Variants in PGAP4 observed in about 807,000 individuals in gnomAD.
The protein encoded by PGAP4 is post-GPI attachment to proteins GalNAc transferase 4, also known as GPI-N-acetylgalactosamine transferase PGAP4.
In PGAP4, 12 loss-of-function variants were observed where a neutral mutation model predicts 28.2. The observed-to-expected ratio is 0.42, with a 90% CI of 0.27 to 0.69. The LOEUF (loss-of-function observed/expected upper bound fraction) is 0.69. Among genes scored for constraint, PGAP4 ranks in the 30% least tolerant of loss-of-function variants. The pLI is 0.22. For missense variants in PGAP4, 425 were observed against 513.5 expected (o/e 0.83, Z 1.67); for synonymous variants, 205 against 211.8 (o/e 0.97, Z 0.28).
chr9:101,480,365 T>TGTTG (rs1487165637), intron 1 of PGAP4, among the ~76,000 whole-genome samples: 6 of 151,718 alleles, frequency 4.0e-5, no homozygotes, highest in Non-Finnish European at 4.4e-5. Context: ...TTGTTGTTGT[T>TGTTG]GTTTGTTTGT....
intron 2 of PGAP4, among the ~76,000 whole-genome samples, chr9:101,506,971 T>C (rs1361327582): frequency 6.6e-6 from 1 of 152,130 alleles, no homozygotes; most frequent in Non-Finnish European, 1.5e-5. Flanking sequence ...AACCCTACTC[T>C]TTTGTCACAG....
intron 2 of PGAP4, among the ~76,000 whole-genome samples, chr9:101,513,884 C>T (rs1209664000): frequency 1.3e-5 from 2 of 152,146 alleles, no homozygotes; most frequent in African/African-American, 2.4e-5. Flanking sequence ...AAGCCCTGAG[C>T]ACCTGGGAGG....
At chr9:101,532,101 C>T (rs1827098282) in intron 1 of PGAP4, among the ~76,000 whole-genome samples, 1 of 152,116 alleles carries the variant, frequency 6.6e-6, no homozygotes, top group South Asian at 2.1e-4. Flanking sequence ...GAAACCCCAT[C>T]TCTACTAAAA....
chr9:101,525,388 G>C (rs1259510361), intron 2 of PGAP4, among the ~76,000 whole-genome samples: 1 of 151,990 alleles, frequency 6.6e-6, no homozygotes, highest in Non-Finnish European at 1.5e-5. Context: ...TAATACGTTG[G>C]TTTTAAATGT....
At chr9:101,531,503 C>G (rs1196066879) in exon 2 of PGAP4, 1 of 152,174 alleles carries the variant, frequency 6.6e-6, no homozygotes, top group Non-Finnish European at 1.5e-5. Context: ...TGTGGTCGCT[C>G]CATTCTCAAG....
intron 2 of PGAP4, among the ~76,000 whole-genome samples, chr9:101,499,147 C>A (rs576054334): frequency 1.3e-5 from 2 of 152,010 alleles, no homozygotes; most frequent in East Asian, 3.9e-4. Flanking sequence ...TATTTTATAG[C>A]CCAGAAGCGA....
chr9:101,498,198 G>A lies in PGAP4; in HGVS notation c.-164-8998C>T, dbSNP rs181200543. ...CATTGTGGTGAGGACTAGCTGAATTGTATGAGAAAAACCTCTCCCAACTTG... is the reference window on the plus strand; with the variant it reads ...CATTGTGGTGAGGACTAGCTGAATTATATGAGAAAAACCTCTCCCAACTTG... On this transcript the variant is annotated intron_variant, in intron 2 of 3. Transcript: ENST00000374851. Among the ~76,000 whole-genome samples, 690 of 151,888 alleles carry A rather than the reference G, an allele frequency of 4.5e-3. 7 individuals carry two copies. The highest frequency in any genetic ancestry group is 0.015 in the African/African-American group (624 of 41,510).
chr9:101,483,236 A>G (rs931588688), intron 1 of PGAP4, among the ~76,000 whole-genome samples: 22 of 152,194 alleles, frequency 1.4e-4, no homozygotes. Flanking sequence ...TTTGACCTCT[A>G]TGGGTCTCAG....
At chr9:101,491,628 G>A (rs183874363), upstream of PGAP4, among the ~76,000 whole-genome samples, 1 of 151,642 alleles carries the variant, frequency 6.6e-6, no homozygotes, top group Admixed American at 6.6e-5. Flanking sequence ...TATTCTTTAT[G>A]CATGTTATTC....
intron 2 of PGAP4, among the ~76,000 whole-genome samples, chr9:101,516,753 CTT>C (rs1283409017): frequency 1.3e-5 from 2 of 152,152 alleles, no homozygotes; most frequent in African/African-American, 4.8e-5. Context: ...AGACTTAACA[CTT>C]TTTATTTCTT....
chr9:101,528,426 A>T (rs1176332291), intron 2 of PGAP4, among the ~76,000 whole-genome samples: 1 of 152,094 alleles, frequency 6.6e-6, no homozygotes, highest in African/African-American at 2.4e-5. Flanking sequence ...GCTGAAATCC[A>T]GTTTTAGTCC....
At chr9:101,507,911 G>T (rs1298806891) in intron 2 of PGAP4, among the ~76,000 whole-genome samples, 1 of 152,120 alleles carries the variant, frequency 6.6e-6, no homozygotes, top group African/African-American at 2.4e-5. Context: ...TTCTAGCTGT[G>T]TCCAACATCT....
intron 2 of PGAP4, among the ~76,000 whole-genome samples, chr9:101,525,496 C>T (rs59837044): frequency 0.16 from 24,081 of 151,410 alleles, 2,285 homozygotes; most frequent in East Asian, 0.36. Flanking sequence ...TGCCTGATGT[C>T]GGGAGTTCGA....
At chr9:101,494,930 A>G (rs771863499) in intron 2 of PGAP4, among the ~76,000 whole-genome samples, 129 of 150,650 alleles carry the variant, frequency 8.6e-4, no homozygotes, top group Non-Finnish European at 1.4e-3. Context: ...TGAATAGCAT[A>G]TTTATATAAA....
At chr9:101,504,209 G>GTTTTTTTTTTTTTTTTTTTTTTTTTTT (rs3081858) in intron 2 of PGAP4, among the ~76,000 whole-genome samples, 1 of 22,692 alleles carries the variant, frequency 4.4e-5, no homozygotes, top group Non-Finnish European at 8.0e-5. Context: ...GTGTGTGTTT[G>GTTTTTTTTTTTTTTTTTTTTTTTTTTT]TTTTTTTTTT....
intron 1 of PGAP4, chr9:101,479,902 G>A (rs1176538530): frequency 6.6e-6 from 1 of 152,204 alleles, no homozygotes; most frequent in Non-Finnish European, 1.5e-5. Flanking sequence ...AGCTGCACAA[G>A]AGGCCAAGTC....
rs1345868260 is a variant in PGAP4 at position 101,504,215 on chromosome 9, T to G, written c.-164-15015A>C. 7.5e-5 allele frequency among the ~76,000 whole-genome samples: 9 copies of G among 120,578 alleles called. No individual in the cohort carries two copies. In the East Asian group the frequency reaches 9.6e-4, roughly 13 times the overall value. 79.1% of individuals were successfully genotyped at this position (120,578 alleles called of 152,430 possible). ...TGTGTGTGTGTGTGTGTTTGTTTTT[T>G]TTTTTTTTTTTTTTTTTTTTTTGGT... On this transcript the variant is annotated intron_variant, in intron 2 of 3. Coordinates refer to the PGAP4 transcript ENST00000374851.
At position 101,476,585 on chromosome 9, in the gene PGAP4, C is replaced by T. The variant is rs1431143603; in HGVS notation, c.508G>A (p.Gly170Ser). ...TCATCACCATAATCATCCTCAGTGCCCTCATAGCGATTGGCCACAGGGACA... is the reference window on the plus strand; with the variant it reads ...TCATCACCATAATCATCCTCAGTGCTCTCATAGCGATTGGCCACAGGGACA... ...KYVPVANRYE[G>S]TEDDYGDDPS... The change falls in exon 2 of 2, where the codon GGC (glycine) becomes AGC (serine). Residue 170 changes from glycine (G) to serine (S), a missense_variant. Gly to Ser is a moderately conservative substitution (Grantham distance 56). Transcript: ENST00000374848. This position sits in a 1 kb window ranked among gnomAD's most constrained non-coding sequence, Gnocchi z 7.0. The T allele has an allele frequency of 2.5e-6, 4 of 1,614,064 alleles. No homozygotes were observed. The highest frequency in any genetic ancestry group is 1.1e-5 in the South Asian group (1 of 91,086).
At chr9:101,479,643 G>T (rs923937502) in intron 1 of PGAP4, among the ~76,000 whole-genome samples, 1 of 152,200 alleles carries the variant, frequency 6.6e-6, no homozygotes, top group Non-Finnish European at 1.5e-5. Flanking sequence ...GAAAAGAGAG[G>T]GATTTGGTTC....
Sources: allele counts gnomAD v4.1 joint callset (sites outside exome capture counted in the v4.1 genomes callset), GRCh38; gene constraint gnomAD v4.1.1; non-coding constraint Gnocchi (gnomAD v3.1); transcripts MANE v1.5; gene names NCBI Gene and HGNC (gene_info 2026-07-23, HGNC 2026-07-21).